Variants in CA10 observed in about 807,000 individuals in gnomAD.
CA10 encodes carbonic anhydrase 10 (inactive), also known as carbonic anhydrase-related protein 10.
In CA10, 14 loss-of-function variants were observed where a neutral mutation model predicts 44.2. The ratio of observed to expected loss-of-function variants is 0.32; its 90% CI spans 0.21 to 0.50. The LOEUF (loss-of-function observed/expected upper bound fraction) is 0.50, where lower values mean the gene tolerates loss of function less well. CA10 is among the 20% of genes least tolerant of loss of function. The pLI is 0.99. For synonymous variants in CA10, 159 were observed against 141.6 expected, an observed-to-expected ratio of 1.12 and a Z score of -0.87; for missense variants, 350 against 409.7, an observed-to-expected ratio of 0.85 and a Z score of 1.26.
chr17:51,900,604 A>T (rs188038139), intron 3 of CA10, among the ~76,000 whole-genome samples: 9 of 152,308 alleles, frequency 5.9e-5, no homozygotes, highest in African/African-American at 2.2e-4. Flanking sequence ...CATGAACCAT[A>T]TCTTCAAGTA....
intron 8 of CA10, among the ~76,000 whole-genome samples, chr17:51,632,366 A>G (rs142061736): frequency 3.3e-5 from 5 of 152,328 alleles, no homozygotes; most frequent in African/African-American, 1.2e-4. Flanking sequence ...CTTTTCTGGT[A>G]GTTCCGGCTG....
chr17:51,973,425 C>T (rs773162031), intron 2 of CA10, among the ~76,000 whole-genome samples: 5 of 152,264 alleles, frequency 3.3e-5, no homozygotes, highest in Non-Finnish European at 7.3e-5. Context: ...AATCTGCCTA[C>T]GAGTCTCCTA....
chr17:52,125,915 A>G (rs1428071949), intron 1 of CA10, among the ~76,000 whole-genome samples: 4 of 152,116 alleles, frequency 2.6e-5, no homozygotes, highest in Non-Finnish European at 5.9e-5. Flanking sequence ...GTGCTAGCTC[A>G]GGCTCAAGTC....
chr17:51,961,585 G>A (rs972857622), intron 2 of CA10, among the ~76,000 whole-genome samples: 1 of 152,098 alleles, frequency 6.6e-6, no homozygotes, highest in African/African-American at 2.4e-5. Context: ...AAAGAGAGAA[G>A]TAGCAAATTA....
intron 1 of CA10, among the ~76,000 whole-genome samples, chr17:52,075,626 A>T (rs1333150493): frequency 6.6e-6 from 1 of 152,162 alleles, no homozygotes; most frequent in Non-Finnish European, 1.5e-5. Flanking sequence ...TGCAGAGCAT[A>T]GCATCTCTGT....
At chr17:52,101,428 A>C (rs1187109447) in intron 1 of CA10, among the ~76,000 whole-genome samples, 3 of 152,164 alleles carry the variant, frequency 2.0e-5, no homozygotes, top group African/African-American at 7.2e-5. Context: ...AAAATCAGCC[A>C]AACAAATTCT....
chr17:51,762,042 C>A (rs1202353090), intron 3 of CA10: 1 of 152,174 alleles, frequency 6.6e-6, no homozygotes, highest in Non-Finnish European at 1.5e-5. Flanking sequence ...AATATCACTA[C>A]CATCTACAGA....
chr17:51,947,677 T>C (rs1225666266), intron 2 of CA10, among the ~76,000 whole-genome samples: 2 of 152,188 alleles, frequency 1.3e-5, no homozygotes, highest in Non-Finnish European at 1.5e-5. Context: ...ACTAAAACTT[T>C]CTGCTCTTTC....
At chr17:51,739,338 A>G (rs887213032) in intron 4 of CA10, among the ~76,000 whole-genome samples, 1 of 152,102 alleles carries the variant, frequency 6.6e-6, no homozygotes, top group Non-Finnish European at 1.5e-5. Flanking sequence ...ACACTTGTAA[A>G]ATGATAATAG....
chr17:51,941,811 C>T (rs1983087321), intron 2 of CA10, among the ~76,000 whole-genome samples: 1 of 152,086 alleles, frequency 6.6e-6, no homozygotes, highest in Non-Finnish European at 1.5e-5. Flanking sequence ...GATGATTTCC[C>T]ACAAATTCAA....
chr17:51,854,364 T>C (rs752564309), intron 3 of CA10, among the ~76,000 whole-genome samples: 6 of 152,172 alleles, frequency 3.9e-5, no homozygotes, highest in Admixed American at 6.5e-5. Context: ...TGGGAAGCAA[T>C]GGCAGAGTTG....
intron 2 of CA10, among the ~76,000 whole-genome samples, chr17:51,933,096 A>G (rs1161565568): frequency 6.6e-6 from 1 of 152,124 alleles, no homozygotes; most frequent in Non-Finnish European, 1.5e-5. Flanking sequence ...GGCCCTTGGT[A>G]AGTCATGTGT....
chr17:51,955,620 A>G (rs1027299533), intron 2 of CA10, among the ~76,000 whole-genome samples: 28 of 152,138 alleles, frequency 1.8e-4, no homozygotes, highest in African/African-American at 6.5e-4. Context: ...CTTCCAGCCA[A>G]AATGAATCAC....
intron 3 of CA10, among the ~76,000 whole-genome samples, chr17:51,778,354 C>G (rs925505056): frequency 7.9e-5 from 12 of 152,196 alleles, no homozygotes; most frequent in Admixed American, 5.2e-4. Context: ...GCTCACAGCC[C>G]TTCAGACCCA....
intron 3 of CA10, among the ~76,000 whole-genome samples, chr17:51,815,865 T>A (rs1329310878): frequency 6.6e-6 from 1 of 152,050 alleles, no homozygotes; most frequent in Non-Finnish European, 1.5e-5. Flanking sequence ...CAATGTGAAA[T>A]AAGCACATCA....
intron 4 of CA10, among the ~76,000 whole-genome samples, chr17:51,675,080 C>T (rs1470663823): frequency 6.6e-6 from 1 of 152,174 alleles, no homozygotes; most frequent in East Asian, 1.9e-4. Flanking sequence ...GAAGGCTGTG[C>T]GCTCCTTTGT....
chr17:51,840,944 C>T (rs537351556), intron 3 of CA10, among the ~76,000 whole-genome samples: 1 of 152,238 alleles, frequency 6.6e-6, no homozygotes, highest in African/African-American at 2.4e-5. Context: ...AGAGCTGAGT[C>T]CCTTTCATGA....
intron 1 of CA10, among the ~76,000 whole-genome samples, chr17:52,154,191 A>C (rs1434716782): frequency 1.3e-5 from 2 of 152,248 alleles, no homozygotes; most frequent in Non-Finnish European, 2.9e-5. Flanking sequence ...ATATTAAATA[A>C]AAATATTTGA....
At chr17:51,828,568 T>C (rs1013995171) in intron 3 of CA10, among the ~76,000 whole-genome samples, 10 of 152,324 alleles carry the variant, frequency 6.6e-5, no homozygotes, top group Admixed American at 4.6e-4. Flanking sequence ...TAGGACTTAT[T>C]ATAGCCAAAA....
Sources: gnomAD v4.1 joint callset for allele counts (sites outside exome capture counted in the v4.1 genomes callset) on GRCh38, gnomAD v4.1.1 for gene constraint, MANE v1.5 for transcripts, NCBI Gene and HGNC (gene_info 2026-07-23, HGNC 2026-07-21) for gene names.